Variants in PLEKHM3 observed in about 807,000 individuals in gnomAD.
The protein encoded by PLEKHM3 is pleckstrin homology domain containing M3, also known as pleckstrin homology domain-containing family M member 3.
A neutral mutation model predicts 81.8 loss-of-function variants in PLEKHM3; 45 were observed. The observed-to-expected ratio is 0.55, with a 90% CI of 0.43 to 0.71. PLEKHM3 has a LOEUF of 0.71. PLEKHM3 is among the 30% of genes least tolerant of loss of function. The pLI is 0.00. For synonymous variants in PLEKHM3, 352 were observed against 356.4 expected, an observed-to-expected ratio of 0.99 and a Z score of 0.14; for missense variants, 788 against 924.3, an observed-to-expected ratio of 0.85 and a Z score of 1.91.
At chr2:207,998,303 A>C (rs955953042) in intron 2 of PLEKHM3, among the ~76,000 whole-genome samples, 4 of 152,178 alleles carry the variant, frequency 2.6e-5, no homozygotes, top group African/African-American at 9.6e-5. Flanking sequence ...CAGGAGTTTG[A>C]GACCAGCCTG....
intron 1 of PLEKHM3, among the ~76,000 whole-genome samples, chr2:208,013,915 G>A (rs1692788026): frequency 6.6e-6 from 1 of 152,226 alleles, no homozygotes; most frequent in South Asian, 2.1e-4. Context: ...TATGAGAGAA[G>A]TAATTAGTTG....
chr2:207,926,144 CAGA>C (rs897287794), intron 5 of PLEKHM3, among the ~76,000 whole-genome samples: 5 of 152,060 alleles, frequency 3.3e-5, no homozygotes, highest in Admixed American at 6.6e-5. Flanking sequence ...CAAACTAGAG[CAGA>C]AGAAGTTATG....
intron 5 of PLEKHM3, among the ~76,000 whole-genome samples, chr2:207,930,099 T>A (rs1173194375): frequency 6.6e-6 from 1 of 152,238 alleles, no homozygotes; most frequent in Non-Finnish European, 1.5e-5. Flanking sequence ...AGGCACATTT[T>A]ACTTTCAACT....
chr2:207,828,531 C>CATATGAGCAAGATA (rs1233131139), intron 7 of PLEKHM3, 35 bp from the exon 8 acceptor site: 14 of 1,600,094 alleles, frequency 8.7e-6, no homozygotes, highest in Non-Finnish European at 1.2e-5. Context: ...ATGAGCAAGA[C>CATATGAGCAAGATA]TGAAGCCAGC....
intron 3 of PLEKHM3, among the ~76,000 whole-genome samples, chr2:207,957,653 G>A (rs144304485): frequency 2.0e-5 from 3 of 152,256 alleles, no homozygotes; most frequent in African/African-American, 4.8e-5. Context: ...AGCCAAGAAT[G>A]TGCCATTGCA....
chr2:207,933,056 G>C (rs959883717), intron 4 of PLEKHM3, among the ~76,000 whole-genome samples: 5 of 151,970 alleles, frequency 3.3e-5, no homozygotes, highest in Non-Finnish European at 7.4e-5. Flanking sequence ...AATTATTTTT[G>C]AGGTACCTGT....
intron 5 of PLEKHM3, among the ~76,000 whole-genome samples, chr2:207,919,036 G>A (rs1041104468): frequency 3.3e-5 from 5 of 152,164 alleles, no homozygotes; most frequent in South Asian, 4.1e-4. Flanking sequence ...ACACTGTGTT[G>A]CCATTTAAAA....
chr2:207,960,483 G>A (rs1397311593), intron 3 of PLEKHM3, among the ~76,000 whole-genome samples: 1 of 152,216 alleles, frequency 6.6e-6, no homozygotes, highest in Non-Finnish European at 1.5e-5. Context: ...ATCTAATTTA[G>A]GGGTCCACTC....
chr2:207,956,718 A>ATTTTTTTTTTTTTTTTTTTT lies in PLEKHM3; in HGVS notation c.1547-10226_1547-10207dup, dbSNP rs1170073686. 4.3e-5 allele frequency among the ~76,000 whole-genome samples: 3 copies of ATTTTTTTTTTTTTTTTTTTT among 69,108 alleles called. 1 individual carries two copies. Among genetic ancestry groups the ATTTTTTTTTTTTTTTTTTTT allele is most frequent in the Non-Finnish European group, 8.5e-5 (3 of 35,262 alleles). 45.3% of individuals were successfully genotyped at this position (69,108 alleles called of 152,430 possible). A position where few individuals can be genotyped will look rare whatever the true frequency, so the allele number is the denominator to read the frequency against. ...ATGCCACCACACCTGGCTGATTAAA[A>ATTTTTTTTTTTTTTTTTTTT]TTTTTTTTTTTTTTTTTTTTTTTTT... On this transcript the variant is annotated intron_variant, in intron 3 of 7. Coordinates refer to ENST00000427836, the MANE Select transcript of PLEKHM3 (RefSeq NM_001080475.3).
intron 7 of PLEKHM3, among the ~76,000 whole-genome samples, chr2:207,859,078 T>A (rs1167499650): frequency 6.6e-6 from 1 of 152,056 alleles, no homozygotes; most frequent in Non-Finnish European, 1.5e-5. Flanking sequence ...TTCTTTCCGT[T>A]AGCATGTTTT....
rs564379970 is a variant in PLEKHM3, at chr2:208,024,963, C to T, written c.-319+426G>A. On this transcript the variant is annotated intron_variant, in intron 1 of 7. Transcript: ENST00000427836. ...AGACCAAACCATGCTTGTCATCAGTCATGTGGTGTCATTTACTATACATTA... is the reference window on the plus strand; with the variant it reads ...AGACCAAACCATGCTTGTCATCAGTTATGTGGTGTCATTTACTATACATTA... Among the ~76,000 whole-genome samples, 36 of 152,312 alleles carry T rather than the reference C, an allele frequency of 2.4e-4. No homozygotes were observed. In the South Asian group the frequency reaches 7.0e-3, roughly 30 times the overall value.
intron 1 of PLEKHM3, among the ~76,000 whole-genome samples, chr2:208,006,158 C>G (rs907001444): frequency 7.9e-5 from 12 of 152,180 alleles, no homozygotes; most frequent in Non-Finnish European, 1.6e-4. Flanking sequence ...TGTTTTCCAA[C>G]CTTACTCTTT....
intron 1 of PLEKHM3, among the ~76,000 whole-genome samples, chr2:208,015,542 A>T (rs1357006257): frequency 6.6e-6 from 1 of 152,218 alleles, no homozygotes; most frequent in African/African-American, 2.4e-5. Context: ...ATGGTAGAAG[A>T]CAGGTTCCTG....
intron 2 of PLEKHM3, among the ~76,000 whole-genome samples, chr2:207,998,974 C>T (rs1291613716): frequency 2.6e-5 from 4 of 151,996 alleles, no homozygotes; most frequent in East Asian, 1.9e-4. Flanking sequence ...CTTACAGCAA[C>T]TTGTATGTCC....
chr2:207,913,019 T>C (rs1688858181), intron 5 of PLEKHM3, among the ~76,000 whole-genome samples: 1 of 152,120 alleles, frequency 6.6e-6, no homozygotes. Context: ...GCTGAGGTCC[T>C]ACAAGTGGGC....
chr2:207,834,615 A>G (rs1238060404), intron 7 of PLEKHM3, among the ~76,000 whole-genome samples: 2 of 139,708 alleles, frequency 1.4e-5, no homozygotes, highest in South Asian at 2.3e-4. Flanking sequence ...AGTAGAGATG[A>G]GGTTTCTCCA....
chr2:207,930,669 G>C (rs1325495443), intron 5 of PLEKHM3, among the ~76,000 whole-genome samples: 1 of 152,092 alleles, frequency 6.6e-6, no homozygotes, highest in African/African-American at 2.4e-5. Flanking sequence ...CACCGTCCTG[G>C]GCACTCGATC....
intron 2 of PLEKHM3, among the ~76,000 whole-genome samples, chr2:207,988,417 G>A (rs1008066179): frequency 2.0e-5 from 3 of 152,176 alleles, no homozygotes; most frequent in African/African-American, 7.2e-5. Flanking sequence ...GTACCTCACT[G>A]TACTGTTGTG....
chr2:207,995,664 C>T (rs1398974923), intron 2 of PLEKHM3, among the ~76,000 whole-genome samples: 1 of 152,190 alleles, frequency 6.6e-6, no homozygotes, highest in Non-Finnish European at 1.5e-5. Flanking sequence ...TAAGCTGCTA[C>T]CTATAAAGCA....
Sources: gnomAD v4.1 joint callset for allele counts (sites outside exome capture counted in the v4.1 genomes callset) on GRCh38, gnomAD v4.1.1 for gene constraint, MANE v1.5 for transcripts, NCBI Gene and HGNC (gene_info 2026-07-23, HGNC 2026-07-21) for gene names.